UBE4B: variants seen among roughly 807,000 people sequenced by gnomAD.
UBE4B encodes the protein ubiquitination factor E4B, also known as ubiquitin conjugation factor E4 B.
A neutral mutation model predicts 148.1 loss-of-function variants in UBE4B; 27 were observed. That is an observed-to-expected ratio of 0.18 (90% CI 0.13 to 0.25). The LOEUF (loss-of-function observed/expected upper bound fraction) is 0.25, where lower values mean the gene tolerates loss of function less well. Among genes scored for constraint, UBE4B ranks in the 10% least tolerant of loss-of-function variants. The pLI is 1.00. For missense variants in UBE4B, 1,170 were observed against 1,662.4 expected (o/e 0.70, Z 5.15); for synonymous variants, 596 against 619.3 (o/e 0.96, Z 0.56).
chr1:10,180,398 A>C lies in UBE4B; in HGVS notation c.*442A>C, dbSNP rs1005249773. 6.3e-6 allele frequency: 1 copy of C among 158,000 alleles called. No homozygotes were observed. The highest frequency in any genetic ancestry group is 2.4e-5 in the African/African-American group (1 of 41,494). The allele number at this position is 158,000 out of a possible 1,614,324, so 9.8% of individuals were successfully genotyped here. ...TTCCCCTCTCCCCCTTCCTGACCCT[A>C]CTTGCACTGCTGTGGATTTTTTTAA... On this transcript the variant is annotated 3_prime_UTR_variant, in exon 28 of 28. Transcript: ENST00000343090.
chr1:10,143,273 G>T (rs1469047172), intron 17 of UBE4B, among the ~76,000 whole-genome samples: 1 of 152,102 alleles, frequency 6.6e-6, no homozygotes, highest in Admixed American at 6.6e-5. Context: ...CTGGTGGCAG[G>T]TGTCTATAAT....
At chr1:10,075,054 A>G (rs1341355577) in intron 2 of UBE4B, among the ~76,000 whole-genome samples, 1 of 152,278 alleles carries the variant, frequency 6.6e-6, no homozygotes, top group South Asian at 2.1e-4. Context: ...ATAAATGACA[A>G]TTCATGTTTT....
At chr1:10,126,302 T>TAG (rs1645493128) in intron 10 of UBE4B, among the ~76,000 whole-genome samples, 1 of 147,256 alleles carries the variant, frequency 6.8e-6, no homozygotes, top group Non-Finnish European at 1.5e-5. Context: ...TCCGTCTCAA[T>TAG]ATAGATAGAT....
chr1:10,107,489 T>G (rs1419120772), intron 7 of UBE4B: 25 of 1,151,582 alleles, frequency 2.2e-5, no homozygotes, highest in Non-Finnish European at 2.4e-5. Context: ...TCAAATGAGG[T>G]GGGCTCCAGA....
intron 2 of UBE4B, among the ~76,000 whole-genome samples, chr1:10,091,651 G>A (rs1644849992): frequency 6.6e-6 from 1 of 152,030 alleles, no homozygotes; most frequent in Admixed American, 6.6e-5. Context: ...TGTCACCCAG[G>A]CCGCAGTGCA....
At chr1:10,071,736 C>T (rs1240508609) in intron 1 of UBE4B, among the ~76,000 whole-genome samples, 1 of 152,094 alleles carries the variant, frequency 6.6e-6, no homozygotes, top group Non-Finnish European at 1.5e-5. Context: ...CACTGCTTTG[C>T]TCAGGCTGGT....
intron 14 of UBE4B, among the ~76,000 whole-genome samples, chr1:10,131,780 A>G (rs1263393990): frequency 6.6e-6 from 1 of 152,008 alleles, no homozygotes; most frequent in African/African-American, 2.4e-5. Context: ...GTGAAACCCC[A>G]TCTCTACTAA....
chr1:10,081,025 T>TTA lies in UBE4B; in HGVS notation c.211+8817_211+8818dup, dbSNP rs533333182. 2.0e-5 allele frequency among the ~76,000 whole-genome samples: 3 copies of TTA among 152,316 alleles called. No homozygotes were observed. In the South Asian group the frequency reaches 6.2e-4, roughly 32 times the overall value. On this transcript the variant is annotated intron_variant, in intron 2 of 27. Transcript: ENST00000343090. ...GTTGACTGTCATAAATAATAACGTT[T>TTA]TATATATTTTTTAAAATTCTACTTT... is the stretch of plus-strand genomic sequence containing the variant.
intron 7 of UBE4B, among the ~76,000 whole-genome samples, chr1:10,114,729 T>C (rs368666283): frequency 2.6e-4 from 39 of 152,102 alleles, no homozygotes; most frequent in African/African-American, 8.9e-4. Context: ...CTGTACATGG[T>C]GGCGAGCGCC....
chr1:10,174,268 G>GGCGC (rs1215060351), intron 25 of UBE4B, among the ~76,000 whole-genome samples: 1 of 151,554 alleles, frequency 6.6e-6, no homozygotes, highest in African/African-American at 2.4e-5. Context: ...GTGGAAGGCG[G>GGCGC]CTGTAATTCC....
At chr1:10,172,481 C>G (rs929626530) in intron 25 of UBE4B, among the ~76,000 whole-genome samples, 52 of 152,130 alleles carry the variant, frequency 3.4e-4, no homozygotes, top group African/African-American at 1.3e-3. Flanking sequence ...TGATCCATGT[C>G]CAGGCAGCCT....
chr1:10,154,742 T>C (rs1169590375), intron 21 of UBE4B, among the ~76,000 whole-genome samples: 1 of 151,534 alleles, frequency 6.6e-6, no homozygotes, highest in East Asian at 1.9e-4. Flanking sequence ...CTCTGGAGTC[T>C]AAGGCAGATG....
intron 27 of UBE4B, 45 bp downstream of exon 27, chr1:10,179,607 A>G (rs1646476840): frequency 6.2e-7 from 1 of 1,603,812 alleles, no homozygotes; most frequent in South Asian, 1.1e-5. Flanking sequence ...CGTCAGTACC[A>G]AGAGATAAAG....
intron 21 of UBE4B, among the ~76,000 whole-genome samples, chr1:10,155,243 T>C (rs1191013403): frequency 2.0e-5 from 3 of 152,204 alleles, no homozygotes; most frequent in Admixed American, 6.5e-5. Context: ...CTTTGCCATG[T>C]GTGCCCTCTG....
intron 2 of UBE4B, among the ~76,000 whole-genome samples, chr1:10,091,254 T>C (rs1484920896): frequency 6.6e-6 from 1 of 152,192 alleles, no homozygotes. Context: ...CTGTATTCCT[T>C]GAGACTTGGC....
At chr1:10,082,934 T>G (rs1644708406) in intron 2 of UBE4B, among the ~76,000 whole-genome samples, 1 of 152,074 alleles carries the variant, frequency 6.6e-6, no homozygotes, top group African/African-American at 2.4e-5. Context: ...CTGTGTTAGT[T>G]TACTGAGGAT....
At position 10,119,531 on chromosome 1, in the gene UBE4B, G is replaced by A. The variant is rs1645376715; in HGVS notation, c.1357G>A (p.Val453Ile). The A allele has an allele frequency of 6.2e-7, 1 of 1,613,628 alleles. No homozygotes were observed. Among genetic ancestry groups the A allele is most frequent in the African/African-American group, 1.3e-5 (1 of 74,906 alleles). ...TTTTCAGATGTGCAGCCAGCCAGCAGTCAGCCAGCTTCTGAGCAACATCCG... is the reference window on the plus strand; with the variant it reads ...TTTTCAGATGTGCAGCCAGCCAGCAATCAGCCAGCTTCTGAGCAACATCCG... ...KAPKMCSQPA[V>I]SQLLSNIRSQ... Residue 453 changes from valine to isoleucine, a missense_variant, in exon 9 of 28, where the codon GTC becomes ATC. By Grantham distance (29) the Val-to-Ile change is conservative. This residue lies in a region of UBE4B where 388 missense variants were observed against 536.0 expected (regional missense o/e 0.72). Coordinates refer to ENST00000343090, the MANE Select transcript of UBE4B (RefSeq NM_001105562.3).
intron 18 of UBE4B, 67 bp from the exon 19 acceptor site, chr1:10,146,885 CCCCAGTCCCTG>C (rs1422154220): frequency 1.3e-6 from 2 of 1,553,032 alleles, no homozygotes; most frequent in African/African-American, 1.4e-5. Flanking sequence ...CATCTCCTGG[CCCCAGTCCCTG>C]CCCAGTCCCC....
chr1:10,171,108 G>T, intron 24 of UBE4B, 30 bp from the exon 25 acceptor site: 2 of 1,599,766 alleles, frequency 1.3e-6, no homozygotes, highest in South Asian at 2.2e-5. Flanking sequence ...TCAACAGCAT[G>T]AATTGTCCTA....
Sources: gnomAD v4.1 joint callset for allele counts (sites outside exome capture counted in the v4.1 genomes callset) on GRCh38, gnomAD v4.1.1 for gene constraint, gnomAD v4.1.1 regional missense constraint, MANE v1.5 for transcripts, NCBI Gene and HGNC (gene_info 2026-07-23, HGNC 2026-07-21) for gene names.